The following PRDM10 variants were observed in gnomAD, a reference collection of about 807,000 sequenced individuals.
The protein encoded by PRDM10 is PR domain zinc finger protein 10.
Under a neutral mutation model 133.1 loss-of-function variants are expected in PRDM10, and 65 were observed. The observed-to-expected ratio is 0.49, with a 90% CI of 0.40 to 0.60. PRDM10 has a LOEUF of 0.60. PRDM10 is among the 20% of genes least tolerant of loss of function. PRDM10 has a pLI of 0.00. For synonymous variants in PRDM10, 582 were observed against 580.4 expected, an observed-to-expected ratio of 1.00 and a Z score of -0.04; for missense variants, 1,137 against 1,507.1, an observed-to-expected ratio of 0.75 and a Z score of 4.07.
At position 129,931,143 on chromosome 11, in the gene PRDM10, G is replaced by A. The variant is rs1950842678; in HGVS notation, c.1403C>T (p.Thr468Ile). The A allele has an allele frequency of 6.2e-7, 1 of 1,614,110 alleles. No individual in the cohort carries two copies. The highest frequency in any genetic ancestry group is 1.3e-5 in the African/African-American group (1 of 74,932). The change falls in exon 11 of 21, where the codon ACC becomes ATC. Residue 468 changes from threonine to isoleucine, a missense_variant. Around this residue, in one of 6 missense-constraint regions of PRDM10, gnomAD observed 635 missense variants for 835.2 expected, o/e 0.76. Coordinates refer to ENST00000360871, the MANE Select transcript of PRDM10 (RefSeq NM_199437.2). The stretch of plus-strand genomic sequence containing the variant: ...TGGTTCATGTTCCAGGGAAGACTGG[G>A]TTTCCTGTGGCAGCTGAGGGATTGG... The part of the protein sequence containing the change: ...TIPIPQLPQE[T>I]QSSLEHEPET...
At position 129,918,199 on chromosome 11, in the gene PRDM10, T is replaced by C. The variant is rs1381592164; in HGVS notation, c.2214+340A>G. Reference sequence around the variant, plus strand: ...GCAAATACCCCATTAAAAAAATACATTCAGGGACACAAAAGAGGGAACTAA... The same window carrying C: ...GCAAATACCCCATTAAAAAAATACACTCAGGGACACAAAAGAGGGAACTAA... On this transcript the variant is annotated intron_variant, in intron 14 of 20. Coordinates refer to ENST00000360871, the MANE Select transcript of PRDM10 (RefSeq NM_199437.2). The surrounding 1 kb of genome is among the most constrained non-coding windows in gnomAD (Gnocchi z 5.3). Among the ~76,000 whole-genome samples the C allele has an allele frequency of 6.7e-6, 1 of 149,132 alleles. No homozygotes were observed. Among genetic ancestry groups the C allele is most frequent in the East Asian group, 2.0e-4 (1 of 5,064 alleles).
chr11:129,950,863 G>A (rs879390021), intron 4 of PRDM10, among the ~76,000 whole-genome samples: 81 of 152,262 alleles, frequency 5.3e-4, no homozygotes, highest in African/African-American at 1.8e-3. Context: ...GAAAGACACC[G>A]GTTTGGCAAC....
Position 129,915,848 on chromosome 11 carries a change from CACTTTTATAAACCTGCAAATGT to C in PRDM10, c.2326-10_2337del. The C allele has an allele frequency of 6.2e-7, 1 of 1,613,882 alleles. No homozygotes were observed. Among genetic ancestry groups the C allele is most frequent in the East Asian group, 2.2e-5 (1 of 44,868 alleles). On this transcript the variant is annotated splice_acceptor_variant and splice_polypyrimidine_tract_variant and coding_sequence_variant and intron_variant, in exon 16 of 21. Transcript: ENST00000360871. LOFTEE classifies it high-confidence loss of function. ...AGAATGTGGGCTTTGCGCTTGCTGG[CACTTTTATAAACCTGCAAATGT>C]AAGCGCCTTGCCATGAAAGCAGTAT...
At chr11:129,939,848 T>A (rs746262369) in intron 7 of PRDM10, among the ~76,000 whole-genome samples, 1 of 152,160 alleles carries the variant, frequency 6.6e-6, no homozygotes, top group Non-Finnish European at 1.5e-5. Flanking sequence ...GTGAGTCAAT[T>A]GAGGAAAAAG....
chr11:129,981,360 G>A (rs1394783684), intron 1 of PRDM10, among the ~76,000 whole-genome samples: 1 of 152,112 alleles, frequency 6.6e-6, no homozygotes, highest in East Asian at 1.9e-4. Context: ...TGCCATTGCT[G>A]ACGTTTTAGT....
At chr11:129,913,690 A>G (rs1372474457) in intron 17 of PRDM10, among the ~76,000 whole-genome samples, 1 of 152,194 alleles carries the variant, frequency 6.6e-6, no homozygotes, top group Non-Finnish European at 1.5e-5. Context: ...GGACTCATAT[A>G]GCTTCCTCCA....
chr11:129,992,029 G>T (rs538636176), intron 1 of PRDM10, among the ~76,000 whole-genome samples: 8 of 152,258 alleles, frequency 5.3e-5, no homozygotes, highest in African/African-American at 1.9e-4. Flanking sequence ...TTCCGCAGGA[G>T]ACACAAAATA....
Position 129,912,189 on chromosome 11 carries a change from C to G in PRDM10, c.2878G>C (p.Asp960His). The G allele has an allele frequency of 1.2e-6, 2 of 1,608,824 alleles. No homozygotes were observed. Among genetic ancestry groups the G allele is most frequent in the Non-Finnish European group, 1.7e-6 (2 of 1,176,642 alleles). The change falls in exon 18 of 21, where the codon GAT becomes CAT. Residue 960 changes from aspartate (D) to histidine (H), a missense_variant. Around this residue, in one of 6 missense-constraint regions of PRDM10, gnomAD observed 243 missense variants for 259.2 expected, o/e 0.94. Transcript: ENST00000360871. ...TGAGGATCATGGAGCTGGCCAACAT[C>G]CACAGTGGACTGCTGTGACTGGTGA... ...SPHQSQQSTV[D>H]VGQLHDPQPY... is the part of the protein sequence containing the mutation.
At chr11:130,000,996 AC>A (rs1939333642) in intron 1 of PRDM10, among the ~76,000 whole-genome samples, 1 of 152,154 alleles carries the variant, frequency 6.6e-6, no homozygotes, top group South Asian at 2.1e-4. Flanking sequence ...AGTCCCAGCT[AC>A]TAGGGAGGCT....
chr11:129,986,336 T>C (rs969517802), intron 1 of PRDM10, among the ~76,000 whole-genome samples: 1 of 152,176 alleles, frequency 6.6e-6, no homozygotes, highest in Admixed American at 6.5e-5. Flanking sequence ...AGCAGCCTGC[T>C]ACTGACCAGA....
chr11:129,908,629 C>G (rs912959023), intron 19 of PRDM10, among the ~76,000 whole-genome samples: 1 of 152,184 alleles, frequency 6.6e-6, no homozygotes, highest in Non-Finnish European at 1.5e-5. Flanking sequence ...ACAATGGGTA[C>G]AGGATGGTTC....
chr11:129,942,686 T>C (rs946033737), intron 6 of PRDM10, 57 bp from the exon 7 acceptor site: 20 of 1,439,124 alleles, frequency 1.4e-5, no homozygotes, highest in Non-Finnish European at 1.9e-5. Flanking sequence ...ATGAGACACA[T>C]TTTATAATGT....
chr11:129,969,852 C>T (rs1951981796), intron 1 of PRDM10, among the ~76,000 whole-genome samples: 1 of 152,028 alleles, frequency 6.6e-6, no homozygotes. Context: ...GTGCATAACA[C>T]AAAACACCTG....
intron 7 of PRDM10, among the ~76,000 whole-genome samples, chr11:129,941,334 CA>C (rs1414262400): frequency 6.6e-6 from 1 of 152,062 alleles, no homozygotes; most frequent in Non-Finnish European, 1.5e-5. Flanking sequence ...AGAATCATAG[CA>C]AAATTTTATT....
intron 1 of PRDM10, among the ~76,000 whole-genome samples, chr11:129,980,259 T>A (rs1273108270): frequency 6.6e-6 from 1 of 152,158 alleles, no homozygotes; most frequent in Non-Finnish European, 1.5e-5. Flanking sequence ...TTTATGGCAG[T>A]GTTATTTATC....
intron 7 of PRDM10, 86 bp downstream of exon 7, chr11:129,942,340 A>T: frequency 7.0e-7 from 1 of 1,425,888 alleles, no homozygotes; most frequent in Admixed American, 2.2e-5. Context: ...TGTTAAACAA[A>T]CCCACTTTAG....
chr11:129,977,469 A>T (rs1937841183), intron 1 of PRDM10, among the ~76,000 whole-genome samples: 1 of 152,096 alleles, frequency 6.6e-6, no homozygotes, highest in Admixed American at 6.5e-5. Flanking sequence ...TTTTTAGTAG[A>T]GACTGGGTTT....
intron 11 of PRDM10, among the ~76,000 whole-genome samples, chr11:129,926,548 T>A (rs1950684026): frequency 6.6e-6 from 1 of 152,226 alleles, no homozygotes; most frequent in South Asian, 2.1e-4. Context: ...TGTGAAATCA[T>A]CATGTGAGGA....
chr11:129,936,173 T>C (rs971590503), intron 8 of PRDM10, among the ~76,000 whole-genome samples: 2 of 152,138 alleles, frequency 1.3e-5, no homozygotes, highest in Non-Finnish European at 2.9e-5. Flanking sequence ...TTGGGAATCA[T>C]ACATCAATGT....
Sources: allele counts gnomAD v4.1 joint callset (sites outside exome capture counted in the v4.1 genomes callset), GRCh38; gene constraint gnomAD v4.1.1; regional missense constraint gnomAD v4.1.1; non-coding constraint Gnocchi (gnomAD v3.1); transcripts MANE v1.5; gene names NCBI Gene and HGNC (gene_info 2026-07-23, HGNC 2026-07-21).